The following XDH variants were observed in gnomAD, a reference collection of about 807,000 sequenced individuals.
XDH encodes xanthine dehydrogenase.
XDH carries 138 observed loss-of-function variants against 156.1 expected under a neutral mutation model. That is an observed-to-expected ratio of 0.88 (90% CI 0.77 to 1.02). XDH has a LOEUF of 1.02. Among genes scored for constraint, XDH ranks in the 50% least tolerant of loss-of-function variants. XDH has a pLI of 0.00. For missense variants in XDH, 1,849 were observed against 1,684.9 expected (o/e 1.10, Z -1.71); for synonymous variants, 669 against 625.7 (o/e 1.07, Z -1.03).
chr2:31,379,802 C>A, intron 13 of XDH, 65 bp downstream of exon 13: 4 of 1,509,536 alleles, frequency 2.6e-6, no homozygotes, highest in East Asian at 2.3e-5. Flanking sequence ...ATTCTGATCT[C>A]TTTGTCTAGA....
At chr2:31,366,802 C>T (rs1685925807) in intron 21 of XDH, 68 bp downstream of exon 21, 1 of 1,611,326 alleles carries the variant, frequency 6.2e-7, no homozygotes, top group Non-Finnish European at 8.5e-7. Context: ...TCCCACATGG[C>T]CCTCCTGGTC....
rs560039219 is a variant in XDH at position 31,349,294 on chromosome 2, C to T, written c.2970-314G>A. On this transcript the variant is annotated intron_variant, in intron 26 of 35. Coordinates refer to ENST00000379416, the MANE Select transcript of XDH (RefSeq NM_000379.4). ...GAGTAACTCTGTGAGGAAGACAGAG[C>T]CAGCCCAATTATGCCCACTTTTCAC... is the stretch of plus-strand genomic sequence containing the variant. Among the ~76,000 whole-genome samples, 6 of 152,310 alleles carry T rather than the reference C, an allele frequency of 3.9e-5. No homozygotes were observed. The East Asian group carries it at 1.2e-3, about 29-fold the overall frequency.
chr2:31,339,400 C>A (rs1685059690), intron 34 of XDH, 89 bp downstream of exon 34: 2 of 1,559,052 alleles, frequency 1.3e-6, no homozygotes, highest in East Asian at 4.5e-5. Flanking sequence ...TGAAGTCCCA[C>A]CAGGTGGGTC....
intron 8 of XDH, 26 bp from the exon 9 acceptor site, chr2:31,386,581 A>C: frequency 6.2e-7 from 1 of 1,613,864 alleles, no homozygotes; most frequent in Non-Finnish European, 8.5e-7. Context: ...TTCTTACTAC[A>C]CTGTCTCCCT....
intron 9 of XDH, among the ~76,000 whole-genome samples, chr2:31,385,993 C>G (rs1686580256): frequency 6.6e-6 from 1 of 152,326 alleles, no homozygotes; most frequent in South Asian, 2.1e-4. Context: ...GAACCATGTC[C>G]AATTGAGCTT....
intron 10 of XDH, among the ~76,000 whole-genome samples, chr2:31,383,384 T>C (rs1686492663): frequency 6.6e-6 from 1 of 152,162 alleles, no homozygotes; most frequent in South Asian, 2.1e-4. Flanking sequence ...CAACCAATGC[T>C]CTTTCCTCTA....
At chr2:31,363,543 TC>T (rs1558686809) in intron 24 of XDH, among the ~76,000 whole-genome samples, 2 of 152,184 alleles carry the variant, frequency 1.3e-5, no homozygotes, top group Non-Finnish European at 2.9e-5. Flanking sequence ...GTGACAGTGG[TC>T]TAACAACTCT....
intron 32 of XDH, among the ~76,000 whole-genome samples, chr2:31,341,904 A>T (rs1030957215): frequency 6.6e-6 from 1 of 152,224 alleles, no homozygotes; most frequent in African/African-American, 2.4e-5. Flanking sequence ...GTGTCTATAA[A>T]TCATATTTTA....
intron 11 of XDH, among the ~76,000 whole-genome samples, chr2:31,381,985 T>C (rs551152926): frequency 8.5e-5 from 13 of 152,354 alleles, no homozygotes; most frequent in Admixed American, 3.3e-4. Context: ...GTGTGTTTGA[T>C]TGATGATTTC....
chr2:31,376,978 T>G, intron 14 of XDH, 75 bp downstream of exon 14: 1 of 1,564,240 alleles, frequency 6.4e-7, no homozygotes, highest in African/African-American at 1.4e-5. Flanking sequence ...GTAGTCATAG[T>G]AGCAGCAGCA....
intron 4 of XDH, among the ~76,000 whole-genome samples, chr2:31,398,912 C>T (rs956029328): frequency 6.6e-6 from 1 of 152,226 alleles, no homozygotes; most frequent in African/African-American, 2.4e-5. Context: ...GAGGACCATC[C>T]TTGTAGTTAC....
chr2:31,351,472 G>A (rs1331786343), intron 24 of XDH, among the ~76,000 whole-genome samples: 1 of 151,958 alleles, frequency 6.6e-6, no homozygotes, highest in Admixed American at 6.6e-5. Flanking sequence ...TAAATTCGCT[G>A]CCCACTAGAT....
chr2:31,345,286 T>C (rs768472260), intron 30 of XDH, among the ~76,000 whole-genome samples: 9 of 152,164 alleles, frequency 5.9e-5, no homozygotes, highest in Non-Finnish European at 1.3e-4. Flanking sequence ...TGGTGAACTC[T>C]CCCTAACTGG....
intron 6 of XDH, among the ~76,000 whole-genome samples, chr2:31,395,672 A>G (rs1007456976): frequency 1.3e-5 from 2 of 152,154 alleles, no homozygotes; most frequent in African/African-American, 4.8e-5. Context: ...TAGTCCTTAC[A>G]TCTTCCTATC....
chr2:31,360,085 G>C (rs1368651001), intron 24 of XDH, among the ~76,000 whole-genome samples: 2 of 152,204 alleles, frequency 1.3e-5, no homozygotes, highest in South Asian at 2.1e-4. Flanking sequence ...ACCAGTTTTA[G>C]AGCACAGGAG....
intron 6 of XDH, among the ~76,000 whole-genome samples, chr2:31,393,726 G>A (rs977059092): frequency 4.0e-5 from 6 of 149,682 alleles, no homozygotes; most frequent in African/African-American, 1.2e-4. Context: ...TCTGACTTTT[G>A]TGGTTTGAAC....
chr2:31,370,802 C>T (rs1268410830), intron 17 of XDH, among the ~76,000 whole-genome samples: 1 of 152,144 alleles, frequency 6.6e-6, no homozygotes, highest in Non-Finnish European at 1.5e-5. Flanking sequence ...GAGTTTAAGA[C>T]CAGCCTGGGC....
intron 6 of XDH, among the ~76,000 whole-genome samples, chr2:31,394,170 C>T (rs191652492): frequency 3.9e-5 from 6 of 152,032 alleles, no homozygotes; most frequent in African/African-American, 1.4e-4. Flanking sequence ...ACATCATTTT[C>T]CTTCTCTTTA....
chr2:31,405,522 G>A (rs1572571746), intron 2 of XDH, among the ~76,000 whole-genome samples: 2 of 152,230 alleles, frequency 1.3e-5, no homozygotes, highest in East Asian at 3.9e-4. Context: ...CACCTAGGCA[G>A]AGCTGGAAAC....
Sources: gnomAD v4.1 joint callset for allele counts (sites outside exome capture counted in the v4.1 genomes callset) on GRCh38, gnomAD v4.1.1 for gene constraint, MANE v1.5 for transcripts, NCBI Gene and HGNC (gene_info 2026-07-23, HGNC 2026-07-21) for gene names.